The following PDHX variants were observed in gnomAD, a reference collection of about 807,000 sequenced individuals.
PDHX encodes pyruvate dehydrogenase protein X component, mitochondrial.
PDHX carries 33 observed loss-of-function variants against 55.3 expected under a neutral mutation model. That is an observed-to-expected ratio of 0.60 (90% CI 0.45 to 0.80). The LOEUF (loss-of-function observed/expected upper bound fraction) is 0.80, where lower values mean the gene tolerates loss of function less well. Ranked by LOEUF, PDHX falls within the 30% of genes least tolerant of loss-of-function variation. The probability of loss-of-function intolerance (pLI) is 0.00; values close to 1 mark genes in which losing one functional copy is unlikely to be tolerated. For missense variants in PDHX, 622 were observed against 619.9 expected (o/e 1.00, Z -0.04); for synonymous variants, 226 against 219.4 (o/e 1.03, Z -0.27).
intron 3 of PDHX, among the ~76,000 whole-genome samples, chr11:34,952,061 C>T (rs1394600782): frequency 3.9e-5 from 6 of 152,144 alleles, no homozygotes; most frequent in Non-Finnish European, 8.8e-5. Context: ...ATACTACAAA[C>T]ACCTCTACAC....
chr11:34,949,934 G>T (rs890257852), intron 3 of PDHX, among the ~76,000 whole-genome samples: 3 of 151,630 alleles, frequency 2.0e-5, no homozygotes, highest in Non-Finnish European at 4.4e-5. Flanking sequence ...TAGCATCCAT[G>T]GATATTAAAA....
At chr11:34,990,072 T>C (rs897310522) in intron 9 of PDHX, among the ~76,000 whole-genome samples, 1 of 152,204 alleles carries the variant, frequency 6.6e-6, no homozygotes, top group Non-Finnish European at 1.5e-5. Flanking sequence ...CTGTGGGGGC[T>C]GTAGGCATAC....
intron 6 of PDHX, among the ~76,000 whole-genome samples, chr11:34,969,802 TACAC>T (rs1444201660): frequency 6.6e-6 from 1 of 152,166 alleles, no homozygotes; most frequent in Non-Finnish European, 1.5e-5. Context: ...TACGTATATA[TACAC>T]ACACAAACAC....
At chr11:34,922,438 G>C (rs1853906207) in intron 1 of PDHX, among the ~76,000 whole-genome samples, 1 of 152,152 alleles carries the variant, frequency 6.6e-6, no homozygotes, top group Admixed American at 6.5e-5. Flanking sequence ...CTGGTAGATA[G>C]TTCAGGTTTC....
intron 2 of PDHX, among the ~76,000 whole-genome samples, chr11:34,946,008 C>T (rs1378918846): frequency 6.6e-6 from 1 of 152,214 alleles, no homozygotes; most frequent in East Asian, 1.9e-4. Flanking sequence ...TGTCTTCCCT[C>T]AGAACTCCAT....
At chr11:34,948,492 C>T (rs1854678183) in intron 3 of PDHX, among the ~76,000 whole-genome samples, 1 of 151,926 alleles carries the variant, frequency 6.6e-6, no homozygotes, top group African/African-American at 2.4e-5. Context: ...AAAGACTACA[C>T]TTCAGAATGC....
intron 10 of PDHX, among the ~76,000 whole-genome samples, chr11:34,994,317 T>C (rs1406941349): frequency 6.6e-6 from 1 of 152,180 alleles, no homozygotes; most frequent in African/African-American, 2.4e-5. Flanking sequence ...TAAACATATC[T>C]AAGCATTTTT....
chr11:34,948,476 C>G (rs1014239447), intron 3 of PDHX, among the ~76,000 whole-genome samples: 1 of 151,932 alleles, frequency 6.6e-6, no homozygotes, highest in African/African-American at 2.4e-5. Context: ...TTTGTATATT[C>G]TATTCAAAGA....
intron 2 of PDHX, among the ~76,000 whole-genome samples, chr11:34,943,264 A>C (rs565958112): frequency 1.3e-5 from 2 of 152,352 alleles, no homozygotes; most frequent in South Asian, 4.1e-4. Flanking sequence ...ATTTTTAAAT[A>C]AATTAGACCT....
intron 1 of PDHX, among the ~76,000 whole-genome samples, chr11:34,922,165 T>G (rs1382768538): frequency 6.6e-6 from 1 of 152,216 alleles, no homozygotes; most frequent in African/African-American, 2.4e-5. Context: ...CTTTCTTAAG[T>G]TAGGCACTGG....
At chr11:34,922,027 G>A (rs779636249) in intron 1 of PDHX, among the ~76,000 whole-genome samples, 4 of 152,210 alleles carry the variant, frequency 2.6e-5, no homozygotes, top group Admixed American at 6.5e-5. Context: ...AACTGTGCAC[G>A]TGATGACATC....
intron 7 of PDHX, among the ~76,000 whole-genome samples, chr11:34,974,907 C>T (rs1244740050): frequency 6.6e-6 from 1 of 151,986 alleles, no homozygotes; most frequent in Non-Finnish European, 1.5e-5. Flanking sequence ...GACCTGTCTC[C>T]AAAAACAAAA....
intron 9 of PDHX, 112 bp from the exon 10 acceptor site, chr11:34,992,203 T>C: frequency 1.5e-6 from 1 of 651,868 alleles, no homozygotes; most frequent in Non-Finnish European, 2.8e-6. Flanking sequence ...GGTAACAAAA[T>C]CAAATCAAGG....
At position 34,970,149 on chromosome 11, in the gene PDHX, C is replaced by G; in HGVS notation, c.827C>G (p.Thr276Ser). The G allele has an allele frequency of 1.9e-6, 3 of 1,613,706 alleles. No homozygotes were observed. The highest frequency in any genetic ancestry group is 2.2e-5 in the South Asian group (2 of 91,080). The change falls in exon 7 of 11, where the codon ACT becomes AGT. Residue 276 changes from threonine to serine, a missense_variant. By Grantham distance (58) the Thr-to-Ser change is moderately conservative. Transcript: ENST00000227868. ...PGQPNAVGTFTEIPASNIRRV... is the reference protein window; with the variant it reads ...PGQPNAVGTFSEIPASNIRRV... ...GCTGTCTTTTTGCAGGGCACATTCA[C>G]TGAAATCCCCGCCAGCAATATTCGA...
chr11:34,931,115 CT>C (rs200608148), intron 1 of PDHX, among the ~76,000 whole-genome samples: 2 of 150,658 alleles, frequency 1.3e-5, no homozygotes, highest in African/African-American at 2.4e-5. Flanking sequence ...AATTTTTCTC[CT>C]TTTTTTTTGA....
chr11:34,953,968 A>G (rs183964277), intron 3 of PDHX, among the ~76,000 whole-genome samples: 1 of 152,230 alleles, frequency 6.6e-6, no homozygotes, highest in Admixed American at 6.5e-5. Flanking sequence ...TTAGCTTATC[A>G]TTGGTTTGTT....
chr11:34,978,348 G>A (rs1004365226), intron 8 of PDHX, among the ~76,000 whole-genome samples, 166 bp downstream of exon 8: 1 of 152,062 alleles, frequency 6.6e-6, no homozygotes, highest in African/African-American at 2.4e-5. Flanking sequence ...TGAAGAAACT[G>A]TAAATCAAAA....
chr11:34,971,578 A>T (rs1855259356), intron 7 of PDHX, among the ~76,000 whole-genome samples: 1 of 152,148 alleles, frequency 6.6e-6, no homozygotes, highest in Non-Finnish European at 1.5e-5. Flanking sequence ...TAATAAGGTG[A>T]ATTACATTGG....
intron 1 of PDHX, among the ~76,000 whole-genome samples, chr11:34,930,019 T>C (rs1220377627): frequency 1.3e-5 from 2 of 152,224 alleles, no homozygotes; most frequent in Non-Finnish European, 2.9e-5. Flanking sequence ...ACTGTGTGTG[T>C]ACAAAGCAAA....
Sources: allele counts gnomAD v4.1 joint callset (sites outside exome capture counted in the v4.1 genomes callset), GRCh38; gene constraint gnomAD v4.1.1; transcripts MANE v1.5; gene names NCBI Gene and HGNC (gene_info 2026-07-23, HGNC 2026-07-21).